The following DNAI1 variants were observed in gnomAD, a reference collection of about 807,000 sequenced individuals.
DNAI1 encodes the protein dynein axonemal intermediate chain 1.
Under a neutral mutation model 92.0 loss-of-function variants are expected in DNAI1, and 67 were observed. The ratio of observed to expected loss-of-function variants is 0.73; its 90% confidence interval spans 0.60 to 0.89. DNAI1 has a LOEUF of 0.89. Ranked by LOEUF, DNAI1 falls within the 40% of genes least tolerant of loss-of-function variation. DNAI1 has a pLI of 0.00. For missense variants in DNAI1, 839 were observed against 866.6 expected (o/e 0.97, Z 0.40); for synonymous variants, 323 against 319.6 (o/e 1.01, Z -0.11).
At chr9:34,466,163 G>A (rs1824034934) in intron 1 of DNAI1, among the ~76,000 whole-genome samples, 1 of 151,810 alleles carries the variant, frequency 6.6e-6, no homozygotes. Context: ...GGGAAGGTAT[G>A]TACTGCACTA....
intron 4 of DNAI1, among the ~76,000 whole-genome samples, chr9:34,486,174 G>A (rs1433136941): frequency 6.6e-6 from 1 of 152,164 alleles, no homozygotes; most frequent in African/African-American, 2.4e-5. Context: ...GAGCTGCAGT[G>A]GAAGGGGTGC....
intron 4 of DNAI1, chr9:34,488,277 A>C: frequency 5.8e-6 from 1 of 173,648 alleles, no homozygotes; most frequent in Non-Finnish European, 1.2e-5. Context: ...CAGAATAAAG[A>C]TTCAAACCCA....
intron 19 of DNAI1, among the ~76,000 whole-genome samples, chr9:34,519,057 A>G (rs540276856): frequency 6.6e-6 from 1 of 152,314 alleles, no homozygotes; most frequent in South Asian, 2.1e-4. Flanking sequence ...CTGGGGACCT[A>G]CGTCTCTGAG....
At chr9:34,513,282 A>G in intron 16 of DNAI1, 91 bp downstream of exon 16, 3 of 1,034,820 alleles carry the variant, frequency 2.9e-6, no homozygotes, top group African/African-American at 1.6e-5. Context: ...ATTTTGATGG[A>G]TTTTAGTTCC....
intron 1 of DNAI1, among the ~76,000 whole-genome samples, chr9:34,468,135 T>C (rs933642055): frequency 6.6e-6 from 1 of 151,372 alleles, no homozygotes; most frequent in African/African-American, 2.4e-5. Flanking sequence ...CAGCTGAATG[T>C]GAAGATGGAT....
chr9:34,501,294 G>A (rs1483752180), intron 12 of DNAI1, 113 bp downstream of exon 12: 2 of 897,768 alleles, frequency 2.2e-6, no homozygotes, highest in East Asian at 2.4e-5. Flanking sequence ...CTGCCCGCAG[G>A]GGGCTCACAG....
Position 34,458,915 on chromosome 9 carries a change from A to G in DNAI1, c.-91A>G. On this transcript the variant is annotated 5_prime_UTR_variant, in exon 1 of 20. Transcript: ENST00000242317. The surrounding 1 kb of genome is among the most constrained non-coding windows in gnomAD (Gnocchi z 6.6). ...TTGCGACTGGTAACTGAAGTGGAAGAGAGTCCAGATTTCTTGTGTGTGGTC... is the reference window on the plus strand; with the variant it reads ...TTGCGACTGGTAACTGAAGTGGAAGGGAGTCCAGATTTCTTGTGTGTGGTC... 2 of 1,145,560 alleles carry G rather than the reference A, an allele frequency of 1.7e-6. No homozygotes were observed. The highest frequency in any genetic ancestry group is 3.0e-5 in the African/African-American group (2 of 66,096). 71.0% of individuals were successfully genotyped at this position (1,145,560 alleles called of 1,614,324 possible). A position where few individuals can be genotyped will look rare whatever the true frequency, so the allele number is the denominator to read the frequency against.
intron 10 of DNAI1, among the ~76,000 whole-genome samples, chr9:34,498,835 C>T (rs1484596128): frequency 1.3e-5 from 2 of 152,168 alleles, no homozygotes; most frequent in African/African-American, 4.8e-5. Context: ...AAACAAGCCC[C>T]CTCATTATCA....
chr9:34,473,902 T>A (rs530336695), intron 1 of DNAI1, among the ~76,000 whole-genome samples: 1 of 152,144 alleles, frequency 6.6e-6, no homozygotes, highest in South Asian at 2.1e-4. Flanking sequence ...TTTTTAAAAA[T>A]TTTTGTAGGG....
intron 1 of DNAI1, among the ~76,000 whole-genome samples, chr9:34,465,062 T>C (rs1190629653): frequency 6.6e-6 from 1 of 152,180 alleles, no homozygotes; most frequent in Admixed American, 6.5e-5. Flanking sequence ...AAGGTGTCAA[T>C]GAAGATAAAC....
intron 1 of DNAI1, among the ~76,000 whole-genome samples, chr9:34,480,410 TGAG>T (rs1370153808): frequency 6.6e-6 from 1 of 151,136 alleles, no homozygotes; most frequent in Non-Finnish European, 1.5e-5. Flanking sequence ...CTTGAATAGC[TGAG>T]ATTACAGGTG....
chr9:34,477,385 C>T (rs549797562), intron 1 of DNAI1, among the ~76,000 whole-genome samples: 1 of 152,108 alleles, frequency 6.6e-6, no homozygotes, highest in Non-Finnish European at 1.5e-5. Flanking sequence ...TCAGTTTTCT[C>T]ATTTGTAAAG....
chr9:34,492,493 G>GATATATATAT (rs752863173), intron 8 of DNAI1, among the ~76,000 whole-genome samples: 1,031 of 67,920 alleles, frequency 0.015, 50 homozygotes, highest in Non-Finnish European at 0.018. Context: ...GGGATATGAA[G>GATATATATAT]ATATATATAT....
At chr9:34,501,231 A>G in intron 12 of DNAI1, 50 bp downstream of exon 12, 1 of 1,391,884 alleles carries the variant, frequency 7.2e-7, no homozygotes. Context: ...AGCAAACACT[A>G]AGTACCTACT....
chr9:34,486,998 C>T (rs1371050640), intron 4 of DNAI1, among the ~76,000 whole-genome samples: 1 of 152,142 alleles, frequency 6.6e-6, no homozygotes, highest in East Asian at 1.9e-4. Flanking sequence ...GAATATACTA[C>T]ATTCTATTTA....
intron 19 of DNAI1, 136 bp downstream of exon 19, chr9:34,517,603 AATGAGGCTCAC>A: frequency 9.9e-7 from 1 of 1,007,676 alleles, no homozygotes; most frequent in Non-Finnish European, 1.5e-6. Context: ...TCATTGCCTG[AATGAGGCTCAC>A]AGTAGAAGCA....
chr9:34,513,972 C>G (rs967460134), intron 16 of DNAI1, among the ~76,000 whole-genome samples: 2 of 152,210 alleles, frequency 1.3e-5, no homozygotes, highest in Non-Finnish European at 2.9e-5. Flanking sequence ...GATGTTATCA[C>G]TGTTGCAAGG....
chr9:34,493,350 C>T (rs1824649702), intron 9 of DNAI1, 22 bp downstream of exon 9: 1 of 1,613,976 alleles, frequency 6.2e-7, no homozygotes, highest in African/African-American at 1.3e-5. Flanking sequence ...GTTCCTACAG[C>T]TCTGCCACAG....
chr9:34,512,889 C>T (rs1825094953), intron 15 of DNAI1, among the ~76,000 whole-genome samples: 1 of 152,254 alleles, frequency 6.6e-6, no homozygotes, highest in African/African-American at 2.4e-5. Context: ...TGCAGAACCC[C>T]TGGCCGTTTG....
Sources: allele counts gnomAD v4.1 joint callset (sites outside exome capture counted in the v4.1 genomes callset), GRCh38; gene constraint gnomAD v4.1.1; non-coding constraint Gnocchi (gnomAD v3.1); transcripts MANE v1.5; gene names NCBI Gene and HGNC (gene_info 2026-07-23, HGNC 2026-07-21).